ANAPC10: variants seen among roughly 807,000 people sequenced by gnomAD.
The protein encoded by ANAPC10 is anaphase promoting complex subunit 10.
Under a neutral mutation model 22.0 loss-of-function variants are expected in ANAPC10, and 12 were observed. The ratio of observed to expected loss-of-function variants is 0.55; its 90% CI spans 0.35 to 0.88. The LOEUF is 0.88. Ranked by LOEUF, ANAPC10 falls within the 40% of genes least tolerant of loss-of-function variation. The probability of loss-of-function intolerance (pLI) is 0.01; values close to 1 mark genes in which losing one functional copy is unlikely to be tolerated. For synonymous variants in ANAPC10, 65 were observed against 69.5 expected (o/e 0.94, Z 0.32); for missense variants, 188 against 220.9 (o/e 0.85, Z 0.94).
At chr4:145,016,114 G>A (rs545620951) in intron 4 of ANAPC10, among the ~76,000 whole-genome samples, 1 of 152,220 alleles carries the variant, frequency 6.6e-6, no homozygotes, top group East Asian at 1.9e-4. Context: ...TGGAAGTTCT[G>A]GCCAGGGCAA....
chr4:145,035,220 A>T (rs760349800), intron 4 of ANAPC10: 4 of 152,116 alleles, frequency 2.6e-5, no homozygotes, highest in Non-Finnish European at 5.9e-5. Context: ...GATTGGTATT[A>T]ACTTCCTCCC....
intron 4 of ANAPC10, among the ~76,000 whole-genome samples, chr4:145,001,059 A>G (rs1192122272): frequency 6.6e-6 from 1 of 152,094 alleles, no homozygotes; most frequent in South Asian, 2.1e-4. Context: ...GGGGAGGGAT[A>G]GCATTAGGAG....
chr4:145,041,430 C>T (rs1365281988), intron 4 of ANAPC10, among the ~76,000 whole-genome samples: 5 of 152,148 alleles, frequency 3.3e-5, no homozygotes. Flanking sequence ...GGAGAAAAAG[C>T]AAAGACCGTT....
chr4:145,084,316 G>C (rs1746545749), intron 2 of ANAPC10, among the ~76,000 whole-genome samples: 1 of 152,178 alleles, frequency 6.6e-6, no homozygotes, highest in Admixed American at 6.5e-5. Context: ...GAGGTAGAAT[G>C]GTAAGATTCA....
chr4:145,077,192 C>G (rs1180968415), intron 3 of ANAPC10, among the ~76,000 whole-genome samples: 1 of 151,814 alleles, frequency 6.6e-6, no homozygotes, highest in Non-Finnish European at 1.5e-5. Context: ...GAGCAAGACT[C>G]TGTCTCAAAA....
At chr4:145,081,790 G>C (rs1370540849) in intron 2 of ANAPC10, 40 bp from the exon 3 acceptor site, 2 of 1,382,132 alleles carry the variant, frequency 1.4e-6, no homozygotes, top group Middle Eastern at 1.8e-4. Flanking sequence ...CTGTGAAAAA[G>C]AAACAACTAT....
At chr4:145,015,962 A>G (rs1282046200) in intron 4 of ANAPC10, among the ~76,000 whole-genome samples, 1 of 152,158 alleles carries the variant, frequency 6.6e-6, no homozygotes, top group East Asian at 1.9e-4. Context: ...CAAATCCTGG[A>G]AACACATCAA....
intron 3 of ANAPC10, among the ~76,000 whole-genome samples, chr4:145,075,366 C>A (rs1362203443): frequency 6.6e-6 from 1 of 151,874 alleles, no homozygotes; most frequent in South Asian, 2.1e-4. Context: ...AGACTAGTAC[C>A]TTTTATTTTA....
intron 3 of ANAPC10, among the ~76,000 whole-genome samples, chr4:145,068,258 C>A (rs961431097): frequency 3.3e-5 from 5 of 152,132 alleles, no homozygotes; most frequent in Non-Finnish European, 7.4e-5. Flanking sequence ...GTCTGTATTA[C>A]AGATGCAGAA....
chr4:145,034,115 G>A (rs1738060305), intron 4 of ANAPC10, among the ~76,000 whole-genome samples: 1 of 152,094 alleles, frequency 6.6e-6, no homozygotes. Context: ...GATACATATA[G>A]GTTCAAGTTG....
intron 4 of ANAPC10, among the ~76,000 whole-genome samples, chr4:144,998,453 G>A (rs185385912): frequency 1.3e-4 from 20 of 151,922 alleles, no homozygotes; most frequent in African/African-American, 4.3e-4. Flanking sequence ...AAAACTCAGG[G>A]TTAAGAAACT....
intron 2 of ANAPC10, among the ~76,000 whole-genome samples, chr4:145,084,995 T>G (rs983310231): frequency 6.6e-6 from 1 of 152,216 alleles, no homozygotes; most frequent in Non-Finnish European, 1.5e-5. Flanking sequence ...ATGCTTCAAA[T>G]CATGCTTCGT....
intron 4 of ANAPC10, among the ~76,000 whole-genome samples, chr4:145,001,123 T>C (rs1055568635): frequency 2.1e-4 from 32 of 151,576 alleles, no homozygotes; most frequent in African/African-American, 7.0e-4. Flanking sequence ...ACATGGTACA[T>C]GTATACCTAT....
chr4:144,996,119 G>C (rs1731568268), intron 4 of ANAPC10, among the ~76,000 whole-genome samples: 1 of 152,148 alleles, frequency 6.6e-6, no homozygotes, highest in Non-Finnish European at 1.5e-5. Context: ...CCCAGGCAGG[G>C]AACTCACTCA....
At chr4:145,097,327 G>T in intron 1 of ANAPC10, 1 of 451,540 alleles carries the variant, frequency 2.2e-6, no homozygotes, top group Non-Finnish European at 3.9e-6. Context: ...TAAAAAGGTT[G>T]ACCTCATCTT....
At chr4:145,071,006 G>GGTTAT (rs533929485) in intron 3 of ANAPC10, among the ~76,000 whole-genome samples, 11 of 152,270 alleles carry the variant, frequency 7.2e-5, no homozygotes, top group African/African-American at 2.2e-4. Flanking sequence ...GAAATTGGGT[G>GGTTAT]GTTATTATTT....
chr4:145,092,396 A>G (rs1195495453), intron 2 of ANAPC10, among the ~76,000 whole-genome samples: 1 of 152,194 alleles, frequency 6.6e-6, no homozygotes, highest in Non-Finnish European at 1.5e-5. Context: ...AACTCCTACC[A>G]GACAGCCTGA....
rs1748486932 is a variant in ANAPC10, at chr4:145,096,187, A to G, written c.-12-76T>C. Reference sequence around the variant, plus strand: ...CTACAAAAGTTTTTTACCAAGAAAAATTTAATGGAACTCATATACCCTGAC... The same window carrying G: ...CTACAAAAGTTTTTTACCAAGAAAAGTTTAATGGAACTCATATACCCTGAC... On this transcript the variant is annotated intron_variant, in intron 1 of 4. Coordinates refer to ENST00000507656, the MANE Select transcript of ANAPC10 (RefSeq NM_001256706.2). 9 of 1,464,916 alleles carry G rather than the reference A, an allele frequency of 6.1e-6. No homozygotes were observed. In the South Asian group the frequency reaches 8.9e-5, roughly 15 times the overall value. 90.7% of individuals were successfully genotyped at this position (1,464,916 alleles called of 1,614,324 possible). A position where few individuals can be genotyped will look rare whatever the true frequency, so the allele number is the denominator to read the frequency against.
rs1030102953 is a variant in ANAPC10 at position 145,085,251 on chromosome 4, G to A, written c.116-3501C>T. Among the ~76,000 whole-genome samples, 70 of 151,224 alleles carry A rather than the reference G, an allele frequency of 4.6e-4. 1 individual carries two copies. The highest frequency in any genetic ancestry group is 3.3e-4 in the Admixed American group (5 of 15,184). ...TAGCCTGGGCAACAGTGCGAGAAACGGACAAAAAAATAAAAATAAAAATAA... is the reference window on the plus strand; with the variant it reads ...TAGCCTGGGCAACAGTGCGAGAAACAGACAAAAAAATAAAAATAAAAATAA... On this transcript the variant is annotated intron_variant, in intron 2 of 4. Transcript: ENST00000507656.
Sources: allele counts gnomAD v4.1 joint callset (sites outside exome capture counted in the v4.1 genomes callset), GRCh38; gene constraint gnomAD v4.1.1; transcripts MANE v1.5; gene names NCBI Gene and HGNC (gene_info 2026-07-23, HGNC 2026-07-21).